ARB2A: variants seen among roughly 807,000 people sequenced by gnomAD.
ARB2A encodes ARB2 cotranscriptional regulator A, also known as cotranscriptional regulator ARB2A.
At chr5:94,093,739 ATG>A in the ARB2A span, among the ~76,000 whole-genome samples, 1 of 152,170 alleles carries the variant, frequency 6.6e-6, no homozygotes. Flanking sequence ...CTAATGCCTA[ATG>A]TTCAAAGTTT....
chr5:93,891,086 C>A, the ARB2A span, among the ~76,000 whole-genome samples: 33 of 152,066 alleles, frequency 2.2e-4, no homozygotes, highest in African/African-American at 7.7e-4. Flanking sequence ...GTGAGTTTTT[C>A]TTCAGACGAC....
At chr5:94,012,671 CCTG>C in the ARB2A span, among the ~76,000 whole-genome samples, 13,855 of 152,252 alleles carry the variant, frequency 0.091, 791 homozygotes, top group Middle Eastern at 0.16. Flanking sequence ...GCCAGTCTAA[CCTG>C]CTAACTCACG....
chr5:93,822,411 T>A, the ARB2A span, among the ~76,000 whole-genome samples: 1 of 152,168 alleles, frequency 6.6e-6, no homozygotes, highest in Admixed American at 6.6e-5. Flanking sequence ...CCAAAAGGAA[T>A]GTAAATTTTA....
At chr5:93,841,515 G>A in the ARB2A span, among the ~76,000 whole-genome samples, 13 of 152,064 alleles carry the variant, frequency 8.5e-5, no homozygotes, top group Admixed American at 2.6e-4. Flanking sequence ...CGTGAAGGAG[G>A]GGCTGTCCTG....
the ARB2A span, among the ~76,000 whole-genome samples, chr5:93,947,259 A>G: frequency 6.6e-6 from 1 of 152,106 alleles, no homozygotes; most frequent in Non-Finnish European, 1.5e-5. Flanking sequence ...TCATTTTTAT[A>G]TTAATCACAG....
At chr5:93,691,824 T>C in the ARB2A span, among the ~76,000 whole-genome samples, 1 of 152,062 alleles carries the variant, frequency 6.6e-6, no homozygotes, top group Non-Finnish European at 1.5e-5. Flanking sequence ...TAACAGTGAA[T>C]CTCTCTGCAG....
the ARB2A span, among the ~76,000 whole-genome samples, chr5:93,997,505 T>C: frequency 2.0e-5 from 3 of 152,020 alleles, no homozygotes; most frequent in African/African-American, 7.2e-5. Flanking sequence ...GCGAATAATG[T>C]AGTCTACATA....
At chr5:93,809,583 CTATTT>C in the ARB2A span, among the ~76,000 whole-genome samples, 1 of 151,832 alleles carries the variant, frequency 6.6e-6, no homozygotes, top group East Asian at 1.9e-4. Context: ...AAAAACTTTA[CTATTT>C]TATGTGGGGA....
At chr5:93,922,871 T>C in the ARB2A span, among the ~76,000 whole-genome samples, 1 of 152,166 alleles carries the variant, frequency 6.6e-6, no homozygotes, top group Non-Finnish European at 1.5e-5. Context: ...GATCCTTCAA[T>C]GATATGGGCA....
the ARB2A span, among the ~76,000 whole-genome samples, chr5:93,627,016 G>A: frequency 2.6e-5 from 4 of 152,234 alleles, no homozygotes; most frequent in Non-Finnish European, 5.9e-5. Flanking sequence ...ATTCTTTGTT[G>A]TCATTTCAAC....
chr5:93,782,251 T>C, the ARB2A span, among the ~76,000 whole-genome samples: 1 of 152,196 alleles, frequency 6.6e-6, no homozygotes, highest in Middle Eastern at 3.2e-3. Context: ...TTTCTTTATA[T>C]AGTACCATTT....
the ARB2A span, among the ~76,000 whole-genome samples, chr5:93,656,653 A>T: frequency 3.9e-5 from 6 of 152,162 alleles, no homozygotes; most frequent in African/African-American, 1.4e-4. Context: ...CTTCACATTT[A>T]AATAGATTTT....
the ARB2A span, among the ~76,000 whole-genome samples, chr5:93,959,355 CTATTA>C: frequency 6.6e-6 from 1 of 151,946 alleles, no homozygotes; most frequent in Non-Finnish European, 1.5e-5. Flanking sequence ...TTAGGTGGTA[CTATTA>C]TTATATTGAT....
the ARB2A span, chr5:93,739,786 C>T: frequency 2.0e-5 from 3 of 152,058 alleles, no homozygotes; most frequent in Non-Finnish European, 2.9e-5. Context: ...GGGAAATTCC[C>T]AGGGAACCAA....
the ARB2A span, among the ~76,000 whole-genome samples, chr5:94,061,922 T>C: frequency 0.091 from 13,859 of 152,230 alleles, 793 homozygotes; most frequent in Middle Eastern, 0.16. Context: ...TTTTTGCAGA[T>C]ATAGACAAGT....
chr5:94,022,554 T>C, the ARB2A span, among the ~76,000 whole-genome samples: 3 of 152,174 alleles, frequency 2.0e-5, no homozygotes, highest in African/African-American at 7.2e-5. Flanking sequence ...GCATACCTGG[T>C]AATAGACACC....
At chr5:93,713,191 C>A in the ARB2A span, among the ~76,000 whole-genome samples, 1 of 152,094 alleles carries the variant, frequency 6.6e-6, no homozygotes, top group Non-Finnish European at 1.5e-5. Context: ...GCAATCAAAG[C>A]AAAAATGGAC....
At chr5:93,771,251 T>G in the ARB2A span, among the ~76,000 whole-genome samples, 6 of 151,672 alleles carry the variant, frequency 4.0e-5, no homozygotes, top group Non-Finnish European at 5.9e-5. Context: ...TGGCTAGCCA[T>G]ATGTAGAAAG....
the ARB2A span, among the ~76,000 whole-genome samples, chr5:93,754,433 AC>A: frequency 6.6e-6 from 1 of 152,208 alleles, no homozygotes; most frequent in Non-Finnish European, 1.5e-5. Flanking sequence ...ATGCATGAAG[AC>A]TGAATGGGCA....
Sources: allele counts gnomAD v4.1 joint callset (sites outside exome capture counted in the v4.1 genomes callset), GRCh38; gene constraint gnomAD v4.1.1; transcripts MANE v1.5; gene names NCBI Gene and HGNC (gene_info 2026-07-23, HGNC 2026-07-21).